Variants in FARS2 observed in about 807,000 individuals in gnomAD.
The protein encoded by FARS2 is phenylalanine--tRNA ligase, mitochondrial.
Under a neutral mutation model 46.4 loss-of-function variants are expected in FARS2, and 40 were observed. That is an observed-to-expected ratio of 0.86 (90% CI 0.67 to 1.12). The LOEUF (loss-of-function observed/expected upper bound fraction) is 1.12, where lower values mean the gene tolerates loss of function less well. FARS2 is among the 50% of genes most tolerant of loss of function. The pLI, the probability that FARS2 is intolerant of heterozygous loss-of-function variation, is 0.00. For synonymous variants in FARS2, 234 were observed against 214.9 expected (o/e 1.09, Z -0.78); for missense variants, 513 against 567.9 (o/e 0.90, Z 0.98).
chr6:5,341,233 A>T (rs71547290), intron 1 of FARS2, among the ~76,000 whole-genome samples: 2,758 of 6,518 alleles, frequency 0.42, 441 homozygotes, highest in African/African-American at 0.52. Flanking sequence ...ATATATATAT[A>T]TATTTTTTTT....
At chr6:5,278,649 C>T (rs767737942) in intron 1 of FARS2, among the ~76,000 whole-genome samples, 2 of 152,076 alleles carry the variant, frequency 1.3e-5, no homozygotes, top group Non-Finnish European at 2.9e-5. Context: ...GTTTAGTTAG[C>T]AATGGTCTTT....
intron 6 of FARS2, among the ~76,000 whole-genome samples, chr6:5,624,731 T>G (rs757633941): frequency 1.3e-5 from 2 of 152,106 alleles, no homozygotes; most frequent in Non-Finnish European, 2.9e-5. Context: ...CCCTCATGAT[T>G]AGATTCAAGC....
chr6:5,687,044 G>A (rs1193560889), intron 6 of FARS2, among the ~76,000 whole-genome samples: 1 of 150,810 alleles, frequency 6.6e-6, no homozygotes, highest in Non-Finnish European at 1.5e-5. Flanking sequence ...CTTTTTGATG[G>A]GGTTGTTTTT....
In FARS2 at chr6:5,610,127, T is replaced by G. The variant is rs866567871; in HGVS notation, c.1066-3042T>G. ...GGCTCCTCAGGCTCTCATTGGTTGT[T>G]TCAAAGCTCAACCCTCCAATGAAGA... is the stretch of plus-strand genomic sequence containing the variant. On this transcript the variant is annotated intron_variant, in intron 5 of 6. Coordinates refer to ENST00000274680, the MANE Select transcript of FARS2 (RefSeq NM_006567.5). The G allele has an allele frequency of 7.8e-5, 87 of 1,118,070 alleles. No individual in the cohort carries two copies. In the African/African-American group the frequency reaches 1.1e-3, roughly 14 times the overall value. 69.3% of individuals were successfully genotyped at this position (1,118,070 alleles called of 1,614,324 possible).
chr6:5,596,987 G>C (rs1164617993), intron 5 of FARS2, among the ~76,000 whole-genome samples: 1 of 152,226 alleles, frequency 6.6e-6, no homozygotes, highest in Non-Finnish European at 1.5e-5. Flanking sequence ...GTTTTGGTCA[G>C]GTGACAATGT....
At chr6:5,371,489 A>G (rs1337102785) in intron 2 of FARS2, among the ~76,000 whole-genome samples, 1 of 152,224 alleles carries the variant, frequency 6.6e-6, no homozygotes, top group Admixed American at 6.5e-5. Context: ...AAGTATAGAA[A>G]TGGATGAGTC....
intron 4 of FARS2, among the ~76,000 whole-genome samples, chr6:5,437,296 T>C (rs1380656648): frequency 6.6e-6 from 1 of 152,210 alleles, no homozygotes; most frequent in African/African-American, 2.4e-5. Context: ...TGTGTGGACA[T>C]ATATTTCCAT....
chr6:5,763,716 G>C (rs1762604960), intron 6 of FARS2, among the ~76,000 whole-genome samples: 2 of 150,162 alleles, frequency 1.3e-5, no homozygotes, highest in African/African-American at 4.9e-5. Flanking sequence ...ACCGTATAGA[G>C]TCATGAGACC....
rs1760372444 is a variant in FARS2, at chr6:5,727,954, G to C, written c.1218-43337G>C. The stretch of plus-strand genomic sequence containing the variant: ...TGACGCTGTTAGAGGGGAAGTGTTG[G>C]GGTGAAAGGTCCCTGGGAGCTTCGC... On this transcript the variant is annotated intron_variant, in intron 6 of 6. Transcript: ENST00000274680. The surrounding 1 kb of genome is among the most constrained non-coding windows in gnomAD (Gnocchi z 4.1). Among the ~76,000 whole-genome samples, 1 of 152,214 alleles carries C rather than the reference G, an allele frequency of 6.6e-6. No homozygotes were observed. Among genetic ancestry groups the C allele is most frequent in the Non-Finnish European group, 1.5e-5 (1 of 68,038 alleles).
intron 1 of FARS2, among the ~76,000 whole-genome samples, chr6:5,358,007 A>C (rs1293197291): frequency 6.6e-6 from 1 of 152,196 alleles, no homozygotes; most frequent in Admixed American, 6.5e-5. Context: ...TAATTGCTGC[A>C]CTACAGTCAA....
chr6:5,554,485 A>T (rs576096187), intron 5 of FARS2, among the ~76,000 whole-genome samples: 1 of 152,188 alleles, frequency 6.6e-6, no homozygotes, highest in African/African-American at 2.4e-5. Flanking sequence ...GGTAGCAAAC[A>T]TCAGCCATGA....
intron 5 of FARS2, chr6:5,609,712 C>T: frequency 1.4e-6 from 2 of 1,456,544 alleles, no homozygotes; most frequent in Non-Finnish European, 1.9e-6. Flanking sequence ...CAGTCTTATC[C>T]ACGGAGTCAT....
At position 5,496,956 on chromosome 6, in the gene FARS2, C is replaced by CT. The variant is rs201054581; in HGVS notation, c.905-48223dup. Among the ~76,000 whole-genome samples, 1,424 of 152,180 alleles carry CT rather than the reference C, an allele frequency of 9.4e-3. 10 individuals are homozygous for CT. Among genetic ancestry groups the CT allele is most frequent in the Non-Finnish European group, 0.014 (971 of 68,008 alleles). On this transcript the variant is annotated intron_variant, in intron 4 of 6. Transcript: ENST00000274680. ...ACCTCAGCCTCCTGAGTAGCTGGGC[C>CT]TGTGTGCATGCACCTCTGCACCCAG... is the stretch of plus-strand genomic sequence containing the variant.
At chr6:5,714,070 T>C (rs1245495412) in intron 6 of FARS2, among the ~76,000 whole-genome samples, 2 of 151,538 alleles carry the variant, frequency 1.3e-5, no homozygotes, top group African/African-American at 4.8e-5. Context: ...AAACACGCCA[T>C]TGTGTGTGTG....
chr6:5,580,369 G>T (rs1343799727), intron 5 of FARS2, among the ~76,000 whole-genome samples: 1 of 151,816 alleles, frequency 6.6e-6, no homozygotes, highest in Non-Finnish European at 1.5e-5. Context: ...GTTTAAGACG[G>T]TTTGATTCTC....
chr6:5,460,129 C>G lies in FARS2; in HGVS notation c.904+28957C>G, dbSNP rs117089365. On this transcript the variant is annotated intron_variant, in intron 4 of 6. Transcript: ENST00000274680. ...TTAGTAAACTGTAATTACCTTTTCT[C>G]TTTCACATAACTTTTTCTTCAGTCT... Among the ~76,000 whole-genome samples the G allele has an allele frequency of 2.6e-5, 4 of 152,336 alleles. No individual in the cohort carries two copies. The East Asian group carries it at 7.7e-4, about 29-fold the overall frequency.
Position 5,711,074 on chromosome 6 carries a change from A to G in FARS2, c.1218-60217A>G, listed in dbSNP as rs138656598. Among the ~76,000 whole-genome samples, 556 of 152,326 alleles carry G rather than the reference A, an allele frequency of 3.7e-3. 1 individual carries two copies. Among genetic ancestry groups the G allele is most frequent in the Middle Eastern group, 0.017 (5 of 294 alleles). ...GTTAATGCAGTAATAATATAATACAAATATCTCATAATGCCAGAAAATAAG... is the reference window on the plus strand; with the variant it reads ...GTTAATGCAGTAATAATATAATACAGATATCTCATAATGCCAGAAAATAAG... On this transcript the variant is annotated intron_variant, in intron 6 of 6. Transcript: ENST00000274680.
At chr6:5,716,941 T>G (rs1012134815) in intron 6 of FARS2, among the ~76,000 whole-genome samples, 1 of 152,144 alleles carries the variant, frequency 6.6e-6, no homozygotes, top group African/African-American at 2.4e-5. Flanking sequence ...CTTCATTGGA[T>G]AGGCATGTTG....
rs1208865390 is a variant in FARS2 at position 5,727,777 on chromosome 6, C to A, written c.1218-43514C>A. On this transcript the variant is annotated intron_variant, in intron 6 of 6. Coordinates refer to ENST00000274680, the MANE Select transcript of FARS2 (RefSeq NM_006567.5). The surrounding 1 kb of genome is among the most constrained non-coding windows in gnomAD (Gnocchi z 4.1). ...TGCACTCTGACAGCTCAAAACACTT[C>A]CTCGAGCTTCTATACATTCTGCTCG... Among the ~76,000 whole-genome samples, 1 of 152,222 alleles carries A rather than the reference C, an allele frequency of 6.6e-6. No homozygotes were observed. The highest frequency in any genetic ancestry group is 2.4e-5 in the African/African-American group (1 of 41,448).
Sources: gnomAD v4.1 joint callset for allele counts (sites outside exome capture counted in the v4.1 genomes callset) on GRCh38, gnomAD v4.1.1 for gene constraint, Gnocchi (gnomAD v3.1) non-coding constraint, MANE v1.5 for transcripts, NCBI Gene and HGNC (gene_info 2026-07-23, HGNC 2026-07-21) for gene names.